The following SCAPER variants were observed in gnomAD, a reference collection of about 807,000 sequenced individuals.
The protein encoded by SCAPER is S phase cyclin A-associated protein in the endoplasmic reticulum.
In SCAPER, 98 loss-of-function variants were observed where a neutral mutation model predicts 182.2. That is an observed-to-expected ratio of 0.54 (90% confidence interval 0.46 to 0.64). The LOEUF is 0.64. Ranked by LOEUF, SCAPER falls within the 30% of genes least tolerant of loss-of-function variation. SCAPER has a pLI of 0.00. For synonymous variants in SCAPER, 605 were observed against 564.6 expected (o/e 1.07, Z -1.01); for missense variants, 1,432 against 1,690.0 (o/e 0.85, Z 2.68).
chr15:76,538,396 A>G (rs1462656945), intron 23 of SCAPER, among the ~76,000 whole-genome samples: 2 of 150,924 alleles, frequency 1.3e-5, no homozygotes, highest in South Asian at 2.1e-4. Context: ...ATAAAAAATG[A>G]TGAGTTCATG....
At chr15:76,755,354 T>A (rs1254108269) in intron 14 of SCAPER, among the ~76,000 whole-genome samples, 2 of 152,230 alleles carry the variant, frequency 1.3e-5, no homozygotes, top group African/African-American at 4.8e-5. Flanking sequence ...TACTACTGTA[T>A]TCAACAGAAT....
rs2147263202 is a variant in SCAPER at position 76,701,781 on chromosome 15, G to A, written c.2485C>T (p.Arg829Cys). The change falls in exon 20 of 32, where the codon CGT becomes TGT. Residue 829 changes from arginine (R) to cysteine (C), a missense_variant. By Grantham distance (180) the Arg-to-Cys change is radical (BLOSUM62 -3). Coordinates refer to ENST00000563290, the MANE Select transcript of SCAPER (RefSeq NM_020843.4). Reference sequence around the variant, plus strand: ...ACCACTTCTTCATCTGACAGTTCACGCCCCTGGATGCTGGTATTCTCTCTC... The same window carrying A: ...ACCACTTCTTCATCTGACAGTTCACACCCCTGGATGCTGGTATTCTCTCTC... ...AVRENTSIQG[R>C]ELSDEEVEHL... is the part of the protein sequence containing the mutation. 3.1e-6 allele frequency: 5 copies of A among 1,613,624 alleles called. No individual in the cohort carries two copies. Among genetic ancestry groups the A allele is most frequent in the East Asian group, 2.2e-5 (1 of 44,852 alleles).
At chr15:76,634,696 T>C (rs2053445023) in intron 21 of SCAPER, among the ~76,000 whole-genome samples, 1 of 152,234 alleles carries the variant, frequency 6.6e-6, no homozygotes, top group Admixed American at 6.5e-5. Context: ...TTTATTCTTT[T>C]AGATGCCATT....
chr15:76,834,151 C>A (rs147230776), intron 5 of SCAPER, among the ~76,000 whole-genome samples: 1 of 152,212 alleles, frequency 6.6e-6, no homozygotes, highest in East Asian at 1.9e-4. Flanking sequence ...ACAAACTACA[C>A]CCTCAGACCA....
chr15:76,638,954 GA>G (rs1397818519), intron 21 of SCAPER, among the ~76,000 whole-genome samples: 1 of 152,192 alleles, frequency 6.6e-6, no homozygotes, highest in Non-Finnish European at 1.5e-5. Context: ...AACAGGTTAA[GA>G]AGCTTGCTCA....
chr15:76,638,385 T>C (rs1427553957), intron 21 of SCAPER, among the ~76,000 whole-genome samples: 4 of 152,138 alleles, frequency 2.6e-5, no homozygotes, highest in Non-Finnish European at 5.9e-5. Flanking sequence ...TTGACTACAA[T>C]ATCCAGTTTA....
At chr15:76,499,302 T>G (rs774717701) in intron 24 of SCAPER, among the ~76,000 whole-genome samples, 21 of 152,344 alleles carry the variant, frequency 1.4e-4, no homozygotes, top group Admixed American at 3.3e-4. Flanking sequence ...TTTGGTTTCT[T>G]CATTTATATA....
intron 14 of SCAPER, among the ~76,000 whole-genome samples, chr15:76,761,423 G>A (rs1326092035): frequency 6.6e-6 from 1 of 152,078 alleles, no homozygotes; most frequent in East Asian, 1.9e-4. Flanking sequence ...GAAAACTAGT[G>A]TAGGCATTTA....
At chr15:76,421,972 T>C (rs2046078000) in intron 26 of SCAPER, among the ~76,000 whole-genome samples, 1 of 152,224 alleles carries the variant, frequency 6.6e-6, no homozygotes, top group African/African-American at 2.4e-5. Flanking sequence ...TTCTGTTCCA[T>C]TGGTCTATAT....
chr15:76,528,368 A>C (rs1206489255), intron 23 of SCAPER, among the ~76,000 whole-genome samples: 1 of 152,028 alleles, frequency 6.6e-6, no homozygotes, highest in Non-Finnish European at 1.5e-5. Flanking sequence ...TCTCTCTTCT[A>C]AATCTCATAC....
intron 23 of SCAPER, among the ~76,000 whole-genome samples, chr15:76,531,732 ATATTT>A (rs1197825844): frequency 2.0e-5 from 3 of 152,026 alleles, no homozygotes; most frequent in African/African-American, 7.2e-5. Context: ...TTGCCCAGAG[ATATTT>A]TATTTCCCAG....
chr15:76,751,607 G>A (rs536452703), intron 15 of SCAPER, among the ~76,000 whole-genome samples: 1 of 151,796 alleles, frequency 6.6e-6, no homozygotes, highest in South Asian at 2.1e-4. Context: ...TGACAAGGGT[G>A]CCAAGATAAT....
intron 25 of SCAPER, among the ~76,000 whole-genome samples, chr15:76,456,347 A>G (rs575514183): frequency 6.6e-6 from 1 of 152,306 alleles, no homozygotes; most frequent in Non-Finnish European, 1.5e-5. Context: ...TCCTGATGCT[A>G]TATTTTCATT....
At chr15:76,787,795 A>G (rs1243241959) in intron 8 of SCAPER, among the ~76,000 whole-genome samples, 1 of 152,236 alleles carries the variant, frequency 6.6e-6, no homozygotes, top group Non-Finnish European at 1.5e-5. Flanking sequence ...TTCAGAATCT[A>G]TGGGTAGACA....
chr15:76,448,333 TTGAC>T (rs1188316680), intron 25 of SCAPER, among the ~76,000 whole-genome samples: 2 of 152,138 alleles, frequency 1.3e-5, no homozygotes, highest in Non-Finnish European at 2.9e-5. Context: ...AATAATCTAA[TTGAC>T]TGCATATTTA....
chr15:76,444,914 A>C (rs1261526516), intron 25 of SCAPER, among the ~76,000 whole-genome samples: 2 of 152,210 alleles, frequency 1.3e-5, no homozygotes, highest in East Asian at 1.9e-4. Context: ...GAGCACATTC[A>C]TTGACTTTTA....
chr15:76,848,491 AC>A (rs1414883197), intron 4 of SCAPER, among the ~76,000 whole-genome samples: 3 of 150,064 alleles, frequency 2.0e-5, no homozygotes, highest in East Asian at 4.0e-4. Flanking sequence ...CCGCCACCAT[AC>A]CCAGTTAATT....
In SCAPER at chr15:76,812,495, AAAAAAG is replaced by A. The variant is rs2066705642; in HGVS notation, c.394-7868_394-7863del. ...GGAGTGAGACTCTGAAAAAAAAAAA[AAAAAAG>A]AAAGAAAGAAAGAAAGACAGACATC... On this transcript the variant is annotated intron_variant, in intron 5 of 31. Transcript: ENST00000563290. Among the ~76,000 whole-genome samples, 6 of 149,274 alleles carry A rather than the reference AAAAAAG, an allele frequency of 4.0e-5. No homozygotes were observed. The South Asian group carries it at 1.3e-3, about 32-fold the overall frequency.
intron 20 of SCAPER, among the ~76,000 whole-genome samples, chr15:76,667,473 T>C (rs2056666740): frequency 6.6e-6 from 1 of 151,998 alleles, no homozygotes; most frequent in South Asian, 2.1e-4. Context: ...AATTCTCAAA[T>C]TTTTATCTCT....
Sources: gnomAD v4.1 joint callset for allele counts (sites outside exome capture counted in the v4.1 genomes callset) on GRCh38, gnomAD v4.1.1 for gene constraint, MANE v1.5 for transcripts, NCBI Gene and HGNC (gene_info 2026-07-23, HGNC 2026-07-21) for gene names.